Variants in RFX4 observed in about 807,000 individuals in gnomAD.
RFX4 encodes transcription factor RFX4.
In RFX4, 10 loss-of-function variants were observed where a neutral mutation model predicts 95.0. The ratio of observed to expected loss-of-function variants is 0.11; its 90% CI spans 0.06 to 0.18. The LOEUF is 0.18. Ranked by LOEUF, RFX4 falls within the 10% of genes least tolerant of loss-of-function variation. The pLI is 1.00. For synonymous variants in RFX4, 321 were observed against 340.7 expected, an observed-to-expected ratio of 0.94 and a Z score of 0.64; for missense variants, 640 against 922.0, an observed-to-expected ratio of 0.69 and a Z score of 3.96.
At chr12:106,663,774 C>T (rs1440054803) in intron 4 of RFX4, among the ~76,000 whole-genome samples, 7 of 147,196 alleles carry the variant, frequency 4.8e-5, no homozygotes, top group Middle Eastern at 3.3e-3. Flanking sequence ...TTTTTCAAAT[C>T]GTGAGTGGGT....
At chr12:106,749,647 T>A (rs1008995367) in intron 16 of RFX4, among the ~76,000 whole-genome samples, 2 of 152,146 alleles carry the variant, frequency 1.3e-5, no homozygotes, top group African/African-American at 2.4e-5. Context: ...ACCATAAATA[T>A]TTTACTAAGA....
At chr12:106,749,257 CAAA>C (rs1162244017) in intron 16 of RFX4, among the ~76,000 whole-genome samples, 4 of 49,244 alleles carry the variant, frequency 8.1e-5, no homozygotes, top group Middle Eastern at 8.5e-3. Context: ...TACTCCAACT[CAAA>C]AAAAAAAAAA....
At chr12:106,721,006 G>C in intron 13 of RFX4, 130 bp downstream of exon 13, 1 of 744,880 alleles carries the variant, frequency 1.3e-6, no homozygotes, top group African/African-American at 1.7e-5. Context: ...CTTCTGGGGA[G>C]ACATGACATT....
rs34486302 is a variant in RFX4, at chr12:106,734,595, CAA to C, written c.1633+1522_1633+1523del. Among the ~76,000 whole-genome samples, 162 of 138,790 alleles carry C rather than the reference CAA, an allele frequency of 1.2e-3. 1 individual carries two copies. The highest frequency in any genetic ancestry group is 6.8e-3 in the East Asian group (32 of 4,680). The allele number at this position is 138,790 out of a possible 152,430, so 91.1% of individuals were successfully genotyped here. On this transcript the variant is annotated intron_variant, in intron 15 of 17. Coordinates refer to ENST00000392842, the MANE Select transcript of RFX4 (RefSeq NM_213594.3). ...TGGGCATCAGAGCAAGACTCCATCT[CAA>C]AAAAAAAAAAAGTTAATATGGATAT...
At chr12:106,681,510 C>T (rs1304794798) in intron 4 of RFX4, among the ~76,000 whole-genome samples, 1 of 152,250 alleles carries the variant, frequency 6.6e-6, no homozygotes, top group South Asian at 2.1e-4. Context: ...AGTACAAAGG[C>T]CCCCCATGGG....
At chr12:106,709,617 C>A (rs775371946) in intron 9 of RFX4, among the ~76,000 whole-genome samples, 187 bp downstream of exon 9, 1 of 151,754 alleles carries the variant, frequency 6.6e-6, no homozygotes, top group Non-Finnish European at 1.5e-5. Context: ...ATAGGTGGCA[C>A]ATTTCTTCCT....
intron 15 of RFX4, among the ~76,000 whole-genome samples, chr12:106,740,179 G>A (rs899335757): frequency 1.3e-5 from 2 of 152,170 alleles, no homozygotes; most frequent in African/African-American, 4.8e-5. Flanking sequence ...AAATAAAAGC[G>A]AATTCCTCAT....
In RFX4 at chr12:106,640,323, C is replaced by T. The variant is rs554156217; in HGVS notation, c.191+931C>T. On this transcript the variant is annotated intron_variant, in intron 3 of 17. Transcript: ENST00000392842. The stretch of plus-strand genomic sequence containing the variant: ...ATGCTTGCGAAGAAAGGAAAAGAAA[C>T]ATCAGGAAGGATAGAGAAGAGAGGA... 1.2e-4 allele frequency among the ~76,000 whole-genome samples: 19 copies of T among 152,244 alleles called. No individual in the cohort carries two copies. The Middle Eastern group carries it at 0.014, about 110-fold the overall frequency.
intron 4 of RFX4, among the ~76,000 whole-genome samples, chr12:106,655,296 G>A (rs2040934837): frequency 6.6e-6 from 1 of 152,084 alleles, no homozygotes; most frequent in Non-Finnish European, 1.5e-5. Flanking sequence ...GACTTGGGGA[G>A]GAAAAAACAT....
At chr12:106,734,350 C>T (rs1323125933) in intron 15 of RFX4, among the ~76,000 whole-genome samples, 1 of 152,100 alleles carries the variant, frequency 6.6e-6, no homozygotes, top group Non-Finnish European at 1.5e-5. Flanking sequence ...AATCCCAGCA[C>T]TTTGGGAGGC....
At chr12:106,612,674 C>G (rs1190203245) in intron 2 of RFX4, among the ~76,000 whole-genome samples, 1 of 152,084 alleles carries the variant, frequency 6.6e-6, no homozygotes, top group Non-Finnish European at 1.5e-5. Flanking sequence ...CCCATCTCTA[C>G]TAAAAATACA....
chr12:106,747,882 C>G (rs951192351), intron 16 of RFX4, among the ~76,000 whole-genome samples: 3 of 149,634 alleles, frequency 2.0e-5, no homozygotes, highest in Non-Finnish European at 4.4e-5. Context: ...GAGCTGAGAT[C>G]GCACCGCTGA....
At chr12:106,692,520 A>G (rs1427124434) in intron 7 of RFX4, among the ~76,000 whole-genome samples, 5 of 152,198 alleles carry the variant, frequency 3.3e-5, no homozygotes, top group Non-Finnish European at 7.3e-5. Flanking sequence ...ACAAGGTGCC[A>G]ATGTTCAGAA....
chr12:106,730,486 A>G (rs1243853970), intron 13 of RFX4, among the ~76,000 whole-genome samples: 3 of 152,198 alleles, frequency 2.0e-5, no homozygotes, highest in African/African-American at 7.2e-5. Flanking sequence ...TCCCTACTTG[A>G]TTACTAATGA....
At chr12:106,753,458 A>G (rs1277436587) in intron 17 of RFX4, among the ~76,000 whole-genome samples, 1 of 152,094 alleles carries the variant, frequency 6.6e-6, no homozygotes, top group Non-Finnish European at 1.5e-5. Context: ...ACACCCTGTT[A>G]TCATCACCAA....
intron 15 of RFX4, among the ~76,000 whole-genome samples, chr12:106,736,804 T>G (rs1026850558): frequency 6.6e-6 from 1 of 152,140 alleles, no homozygotes; most frequent in African/African-American, 2.4e-5. Flanking sequence ...CCACCTCTCA[T>G]GGACATCCAC....
chr12:106,760,778 T>C (rs1327763289), intron 17 of RFX4, among the ~76,000 whole-genome samples: 1 of 151,600 alleles, frequency 6.6e-6, no homozygotes, highest in African/African-American at 2.4e-5. Flanking sequence ...ACCTATCACA[T>C]CTCCATAACT....
At chr12:106,747,728 G>C in intron 16 of RFX4, 129 bp downstream of exon 16, 2 of 972,758 alleles carry the variant, frequency 2.1e-6, no homozygotes, top group Non-Finnish European at 3.0e-6. Context: ...AGGAGTTCGA[G>C]ACCAGCCTGG....
At chr12:106,624,222 C>T (rs1302066694) in intron 2 of RFX4, among the ~76,000 whole-genome samples, 2 of 152,182 alleles carry the variant, frequency 1.3e-5, no homozygotes, top group African/African-American at 4.8e-5. Flanking sequence ...AGGATTTGTC[C>T]AAAGAATAAG....
Sources: allele counts gnomAD v4.1 joint callset (sites outside exome capture counted in the v4.1 genomes callset), GRCh38; gene constraint gnomAD v4.1.1; transcripts MANE v1.5; gene names NCBI Gene and HGNC (gene_info 2026-07-23, HGNC 2026-07-21).